Variants in PCDHA4 observed in about 807,000 individuals in gnomAD.
PCDHA4 encodes the protein protocadherin alpha-4.
In PCDHA4, 49 loss-of-function variants were observed where a neutral mutation model predicts 61.4. That is an observed-to-expected ratio of 0.80 (90% confidence interval 0.63 to 1.01). The LOEUF (loss-of-function observed/expected upper bound fraction) is 1.01. Among genes scored for constraint, PCDHA4 ranks in the 50% least tolerant of loss-of-function variants. The pLI, the probability that PCDHA4 is intolerant of heterozygous loss-of-function variation, is 0.00. For missense variants in PCDHA4, 1,254 were observed against 1,235.8 expected (o/e 1.01, Z -0.22); for synonymous variants, 590 against 550.3 (o/e 1.07, Z -1.01).
intron 3 of PCDHA4, among the ~76,000 whole-genome samples, chr5:140,987,520 G>T (rs1221115195): frequency 2.0e-5 from 3 of 152,106 alleles, no homozygotes; most frequent in Non-Finnish European, 4.4e-5. Context: ...CTCAGTAATT[G>T]TATGTTCCTG....
chr5:140,834,478 A>G (rs1554134254), intron 1 of PCDHA4: 1 of 1,614,162 alleles, frequency 6.2e-7, no homozygotes, highest in East Asian at 2.2e-5. Context: ...GGCCAGCTCC[A>G]CTACTCGGTC....
chr5:140,967,379 A>G (rs1554229509), intron 1 of PCDHA4: 2 of 1,608,268 alleles, frequency 1.2e-6, no homozygotes, highest in East Asian at 2.2e-5. Flanking sequence ...GGAGAACAGT[A>G]AAGTGCTTGA....
chr5:140,876,789 T>C (rs782509311), intron 1 of PCDHA4: 97 of 1,614,054 alleles, frequency 6.0e-5, no homozygotes, highest in Non-Finnish European at 7.5e-5. Context: ...GGGCCACGGC[T>C]AGAGTGTCCG....
At chr5:140,925,989 G>A (rs2082853255) in intron 1 of PCDHA4, among the ~76,000 whole-genome samples, 1 of 152,212 alleles carries the variant, frequency 6.6e-6, no homozygotes, top group East Asian at 1.9e-4. Context: ...GAGCTCGCTG[G>A]CTCCGCTGCC....
intron 1 of PCDHA4, among the ~76,000 whole-genome samples, chr5:140,827,731 T>G (rs1769378548): frequency 6.6e-6 from 1 of 152,264 alleles, no homozygotes; most frequent in Non-Finnish European, 1.5e-5. Context: ...GTTGTTTAGC[T>G]GTGAATAATT....
At position 140,851,080 on chromosome 5, in the gene PCDHA4, T is replaced by C. The variant is rs1329158388; in HGVS notation, c.2385+41508T>C. On this transcript the variant is annotated intron_variant, in intron 1 of 3. Coordinates refer to ENST00000530339, the MANE Select transcript of PCDHA4 (RefSeq NM_018907.4). ...GACTTCTAGTGAGAATTATAAACTGTATATTAAATAGATATTTTTTGGGTG... is the reference window on the plus strand; with the variant it reads ...GACTTCTAGTGAGAATTATAAACTGCATATTAAATAGATATTTTTTGGGTG... 5 of 1,302,950 alleles carry C rather than the reference T, an allele frequency of 3.8e-6. No individual in the cohort carries two copies. In the African/African-American group the frequency reaches 6.1e-5, roughly 16 times the overall value. The allele number at this position is 1,302,950 out of a possible 1,614,324, so 80.7% of individuals were successfully genotyped here.
chr5:140,928,286 G>A (rs140714840), intron 1 of PCDHA4: 12 of 1,614,014 alleles, frequency 7.4e-6, no homozygotes, highest in Non-Finnish European at 9.3e-6. Flanking sequence ...GCCTCTCTAG[G>A]CCGAGTGTTT....
chr5:140,964,939 T>C (rs1230992301), intron 1 of PCDHA4, among the ~76,000 whole-genome samples: 1 of 152,182 alleles, frequency 6.6e-6, no homozygotes, highest in Non-Finnish European at 1.5e-5. Flanking sequence ...GGAGCATTGA[T>C]AGTGAGTGTG....
At chr5:140,870,491 T>C (rs781889223) in intron 1 of PCDHA4, 10 of 1,614,076 alleles carry the variant, frequency 6.2e-6, no homozygotes, top group Non-Finnish European at 8.5e-6. Context: ...ACCGTGTTCG[T>C]GAAGGAGAAC....
intron 2 of PCDHA4, among the ~76,000 whole-genome samples, chr5:140,981,204 A>G (rs782466772): frequency 2.6e-5 from 4 of 152,218 alleles, no homozygotes; most frequent in Non-Finnish European, 5.9e-5. Context: ...CTGTTGCCTC[A>G]TATAACCCCT....
rs982709387 is a variant in PCDHA4, at chr5:141,003,306, C to T, written c.2534-6321C>T. ...TGGATTATAGGATTACATGAAGTGG[C>T]CAGCTACTTCCAGAGGGCAGGGTTT... On this transcript the variant is annotated intron_variant, in intron 3 of 3. Coordinates refer to ENST00000530339, the MANE Select transcript of PCDHA4 (RefSeq NM_018907.4). 1.7e-4 allele frequency among the ~76,000 whole-genome samples: 26 copies of T among 152,276 alleles called. No homozygotes were observed. In the East Asian group the frequency reaches 4.1e-3, roughly 24 times the overall value.
At chr5:140,851,384 C>T (rs1414767152) in intron 1 of PCDHA4, 1 of 975,562 alleles carries the variant, frequency 1.0e-6, no homozygotes, top group East Asian at 1.1e-4. Flanking sequence ...CAGCAACCTT[C>T]AGTATCTATT....
At chr5:140,877,946 C>G in intron 1 of PCDHA4, 1 of 1,349,558 alleles carries the variant, frequency 7.4e-7, no homozygotes, top group South Asian at 1.7e-5. Context: ...TTTAAACTAT[C>G]GAATGTCTCA....
At chr5:140,900,557 G>A (rs1006880033) in intron 1 of PCDHA4, among the ~76,000 whole-genome samples, 1 of 152,160 alleles carries the variant, frequency 6.6e-6, no homozygotes, top group African/African-American at 2.4e-5. Context: ...GATTACAGGC[G>A]TGAGCCACGG....
chr5:140,998,690 A>G (rs1310258939), intron 3 of PCDHA4, among the ~76,000 whole-genome samples: 1 of 151,696 alleles, frequency 6.6e-6, no homozygotes, highest in Non-Finnish European at 1.5e-5. Flanking sequence ...TCAGCCTCCC[A>G]AGTAGCTGGG....
chr5:140,959,000 G>A (rs1239762631), intron 1 of PCDHA4, among the ~76,000 whole-genome samples: 1 of 151,884 alleles, frequency 6.6e-6, no homozygotes, highest in Admixed American at 6.6e-5. Flanking sequence ...ATCTTTTACT[G>A]TACCTAATTT....
At chr5:141,000,421 A>ATTTTTTTTT (rs34755515) in intron 3 of PCDHA4, among the ~76,000 whole-genome samples, 3 of 27,980 alleles carry the variant, frequency 1.1e-4, no homozygotes, top group African/African-American at 1.8e-4. Flanking sequence ...ATATATATAT[A>ATTTTTTTTT]TTTTTTTTTT....
At position 140,967,525 on chromosome 5, in the gene PCDHA4, C is replaced by T. The variant is rs368677084; in HGVS notation, c.2386-11424C>T. The stretch of plus-strand genomic sequence containing the variant: ...TGCGTGTCCTGGACACTAACGACAA[C>T]TCTCCTGCCTTTGACCAGTCCACTT... On this transcript the variant is annotated intron_variant, in intron 1 of 3. Coordinates refer to ENST00000530339, the MANE Select transcript of PCDHA4 (RefSeq NM_018907.4). 3.7e-5 allele frequency: 59 copies of T among 1,613,048 alleles called. No individual in the cohort carries two copies. The African/African-American group carries it at 7.3e-4, about 20-fold the overall frequency.
At chr5:140,876,923 C>T in intron 1 of PCDHA4, 1 of 1,613,834 alleles carries the variant, frequency 6.2e-7, no homozygotes. Flanking sequence ...GACGCGGACG[C>T]GCAGAAGAAC....
Sources: allele counts gnomAD v4.1 joint callset (sites outside exome capture counted in the v4.1 genomes callset), GRCh38; gene constraint gnomAD v4.1.1; transcripts MANE v1.5; gene names NCBI Gene and HGNC (gene_info 2026-07-23, HGNC 2026-07-21).